SAMD12: variants seen among roughly 807,000 people sequenced by gnomAD.
SAMD12 encodes the protein sterile alpha motif domain-containing protein 12.
SAMD12 carries 9 observed loss-of-function variants against 15.0 expected under a neutral mutation model. That is an observed-to-expected ratio of 0.60 (90% CI 0.36 to 1.05). The LOEUF (loss-of-function observed/expected upper bound fraction) is 1.05. SAMD12 is among the 50% of genes least tolerant of loss of function. The probability of loss-of-function intolerance (pLI) is 0.01; values close to 1 mark genes in which losing one functional copy is unlikely to be tolerated. For synonymous variants in SAMD12, 86 were observed against 90.1 expected (o/e 0.96, Z 0.25); for missense variants, 230 against 234.2 (o/e 0.98, Z 0.12).
chr8:118,263,863 G>A (rs957524924), intron 4 of SAMD12, among the ~76,000 whole-genome samples: 1 of 152,086 alleles, frequency 6.6e-6, no homozygotes, highest in Admixed American at 6.6e-5. Context: ...GGTGCTGACA[G>A]TAAACGCATA....
At chr8:118,284,385 A>G in intron 4 of SAMD12, 1 of 454,126 alleles carries the variant, frequency 2.2e-6, no homozygotes, top group Non-Finnish European at 4.4e-6. Context: ...GACAAGAATC[A>G]GAATATCCTG....
intron 4 of SAMD12, among the ~76,000 whole-genome samples, chr8:118,315,442 G>A (rs1178349076): frequency 1.3e-5 from 2 of 152,134 alleles, no homozygotes; most frequent in Admixed American, 1.3e-4. Context: ...TCCCAGGAGA[G>A]AGTGAGAGAT....
intron 1 of SAMD12, among the ~76,000 whole-genome samples, chr8:118,619,259 C>T (rs1356621011): frequency 6.6e-6 from 1 of 152,008 alleles, no homozygotes; most frequent in African/African-American, 2.4e-5. Flanking sequence ...GGGCAGATCA[C>T]GAGGTCAGGA....
At chr8:118,401,684 A>G (rs945961437) in intron 3 of SAMD12, among the ~76,000 whole-genome samples, 4 of 151,944 alleles carry the variant, frequency 2.6e-5, no homozygotes, top group Admixed American at 2.6e-4. Flanking sequence ...CAAGGGCTTC[A>G]TGTAAAAGAT....
At chr8:118,545,563 G>A (rs1354989149) in intron 2 of SAMD12, among the ~76,000 whole-genome samples, 1 of 152,256 alleles carries the variant, frequency 6.6e-6, no homozygotes, top group African/African-American at 2.4e-5. Context: ...CTGAATTAGG[G>A]TATCTACTTC....
At chr8:118,587,583 A>G (rs959275899) in intron 1 of SAMD12, among the ~76,000 whole-genome samples, 1 of 152,242 alleles carries the variant, frequency 6.6e-6, no homozygotes, top group Non-Finnish European at 1.5e-5. Flanking sequence ...TGGAACTGAC[A>G]AAAGAGGAAA....
At chr8:118,184,938 T>C (rs1319913211), downstream of SAMD12, among the ~76,000 whole-genome samples, 1 of 152,082 alleles carries the variant, frequency 6.6e-6, no homozygotes. Flanking sequence ...AAAGACTTCT[T>C]TTTTCCTGAT....
chr8:118,604,032 T>C (rs981808807), intron 1 of SAMD12, among the ~76,000 whole-genome samples: 6 of 152,230 alleles, frequency 3.9e-5, no homozygotes, highest in African/African-American at 1.2e-4. Context: ...AAAGTGCTTA[T>C]TATACTTCCT....
intron 4 of SAMD12, among the ~76,000 whole-genome samples, chr8:118,250,399 C>A (rs1298625334): frequency 6.6e-6 from 1 of 152,014 alleles, no homozygotes; most frequent in East Asian, 1.9e-4. Context: ...ATTTGGCATG[C>A]AGCATGGACA....
intron 2 of SAMD12, among the ~76,000 whole-genome samples, chr8:118,440,730 GGAGT>G (rs1822732520): frequency 1.4e-5 from 2 of 141,120 alleles, no homozygotes; most frequent in Non-Finnish European, 3.1e-5. Flanking sequence ...AAAAACGCAG[GGAGT>G]GAGAAAAGCT....
At chr8:118,289,846 C>A (rs968223614) in intron 4 of SAMD12, among the ~76,000 whole-genome samples, 13 of 152,142 alleles carry the variant, frequency 8.5e-5, no homozygotes, top group Non-Finnish European at 1.6e-4. Context: ...AGTTACCTGC[C>A]AGCTTCTTTT....
intron 3 of SAMD12, among the ~76,000 whole-genome samples, chr8:118,417,089 T>G (rs549907174): frequency 6.6e-6 from 1 of 151,982 alleles, no homozygotes; most frequent in Non-Finnish European, 1.5e-5. Context: ...TTTTGTTTTT[T>G]GTTTTTTGGT....
In SAMD12 at chr8:118,570,258, T is replaced by C. The variant is rs538219038; in HGVS notation, c.192+10457A>G. 6.6e-5 allele frequency among the ~76,000 whole-genome samples: 10 copies of C among 152,304 alleles called. No homozygotes were observed. In the South Asian group the frequency reaches 1.7e-3, roughly 25 times the overall value. On this transcript the variant is annotated intron_variant, in intron 2 of 3. Transcript: ENST00000314727. ...GGGGTACATGTACAGGTTTGTTATATAGGTAAACTTGTGTCAGGGGGCTTA... is the reference window on the plus strand; with the variant it reads ...GGGGTACATGTACAGGTTTGTTATACAGGTAAACTTGTGTCAGGGGGCTTA...
At chr8:118,492,555 T>C (rs527393224) in intron 2 of SAMD12, among the ~76,000 whole-genome samples, 1 of 152,340 alleles carries the variant, frequency 6.6e-6, no homozygotes, top group African/African-American at 2.4e-5. Context: ...TTTGCTGCCA[T>C]GCTCTCTCTG....
the SAMD12 span, among the ~76,000 whole-genome samples, chr8:118,134,779 G>A: frequency 3.3e-5 from 5 of 152,162 alleles, no homozygotes; most frequent in African/African-American, 9.7e-5. Flanking sequence ...AGTCTTCCAA[G>A]GAATCGAGTG....
intron 2 of SAMD12, among the ~76,000 whole-genome samples, chr8:118,512,298 C>T (rs971816114): frequency 3.3e-5 from 5 of 152,272 alleles, no homozygotes; most frequent in Middle Eastern, 3.4e-3. Flanking sequence ...AAAGACAAAA[C>T]AGACCTAGGA....
At chr8:118,232,240 G>C (rs765122149) in intron 4 of SAMD12, among the ~76,000 whole-genome samples, 3 of 152,140 alleles carry the variant, frequency 2.0e-5, no homozygotes, top group Non-Finnish European at 4.4e-5. Flanking sequence ...GATGAGATAA[G>C]CTTAAGCTCC....
intron 2 of SAMD12, among the ~76,000 whole-genome samples, chr8:118,548,060 C>A (rs1826182676): frequency 6.6e-6 from 1 of 151,978 alleles, no homozygotes; most frequent in Admixed American, 6.6e-5. Flanking sequence ...CCCAGGAGGA[C>A]CTTATTTCTT....
chr8:118,286,440 C>T (rs1389846380), intron 4 of SAMD12, among the ~76,000 whole-genome samples: 1 of 152,198 alleles, frequency 6.6e-6, no homozygotes, highest in Non-Finnish European at 1.5e-5. Flanking sequence ...TGTTTCTCAG[C>T]AATCTCTCTT....
Sources: allele counts gnomAD v4.1 joint callset (sites outside exome capture counted in the v4.1 genomes callset), GRCh38; gene constraint gnomAD v4.1.1; transcripts MANE v1.5; gene names NCBI Gene and HGNC (gene_info 2026-07-23, HGNC 2026-07-21).